The following SGCZ variants were observed in gnomAD, a reference collection of about 807,000 sequenced individuals.
SGCZ encodes zeta-sarcoglycan.
In SGCZ, 40 loss-of-function variants were observed where a neutral mutation model predicts 41.3. The observed-to-expected ratio is 0.97, with a 90% CI of 0.75 to 1.26. The LOEUF (loss-of-function observed/expected upper bound fraction) is 1.26. Ranked by LOEUF, SGCZ falls within the 50% of genes most tolerant of loss-of-function variation. The probability of loss-of-function intolerance (pLI) is 0.00; values close to 1 mark genes in which losing one functional copy is unlikely to be tolerated. For missense variants in SGCZ, 552 were observed against 369.8 expected (o/e 1.49, Z -4.04); for synonymous variants, 206 against 137.5 (o/e 1.50, Z -3.49).
chr8:14,645,478 T>TTA (rs1046258520), intron 1 of SGCZ, among the ~76,000 whole-genome samples: 88 of 106,534 alleles, frequency 8.3e-4, no homozygotes, highest in East Asian at 5.0e-3. Context: ...ATATATATAT[T>TTA]TATATGTATA....
chr8:14,258,569 C>T (rs963664761), intron 3 of SGCZ, among the ~76,000 whole-genome samples: 5 of 152,198 alleles, frequency 3.3e-5, no homozygotes, highest in East Asian at 3.9e-4. Flanking sequence ...CAAAAAAATA[C>T]TGATACTATA....
At chr8:15,030,040 C>G (rs1222035935) in intron 1 of SGCZ, among the ~76,000 whole-genome samples, 1 of 152,120 alleles carries the variant, frequency 6.6e-6, no homozygotes, top group African/African-American at 2.4e-5. Flanking sequence ...AAGATGAAAG[C>G]TGTTGTCAGA....
chr8:14,724,372 A>T (rs901250220), intron 1 of SGCZ, among the ~76,000 whole-genome samples: 2 of 151,968 alleles, frequency 1.3e-5, no homozygotes, highest in African/African-American at 2.4e-5. Context: ...TCTTTTAAGT[A>T]TAAAAATTCA....
chr8:14,583,608 AG>A (rs1183527302), intron 1 of SGCZ, among the ~76,000 whole-genome samples: 1 of 152,128 alleles, frequency 6.6e-6, no homozygotes, highest in East Asian at 1.9e-4. Flanking sequence ...GGTAGTGCCT[AG>A]GTTTTCTTCT....
At chr8:14,319,086 T>C (rs1009939039) in intron 3 of SGCZ, among the ~76,000 whole-genome samples, 1 of 151,996 alleles carries the variant, frequency 6.6e-6, no homozygotes, top group Non-Finnish European at 1.5e-5. Context: ...GAAATTATGA[T>C]AGCTGTGGGG....
At chr8:15,006,224 A>G (rs1361595167) in intron 1 of SGCZ, among the ~76,000 whole-genome samples, 1 of 152,214 alleles carries the variant, frequency 6.6e-6, no homozygotes, top group African/African-American at 2.4e-5. Context: ...CATACTGATG[A>G]TGAGTACACT....
intron 2 of SGCZ, among the ~76,000 whole-genome samples, chr8:14,488,172 G>A (rs140726583): frequency 2.3e-5 from 3 of 131,994 alleles, no homozygotes; most frequent in South Asian, 2.4e-4. Context: ...TATCTAAATC[G>A]TGACCTGGTT....
intron 1 of SGCZ, among the ~76,000 whole-genome samples, chr8:14,925,431 T>G (rs1450586184): frequency 6.6e-6 from 1 of 152,202 alleles, no homozygotes; most frequent in Non-Finnish European, 1.5e-5. Flanking sequence ...CCTTTATATT[T>G]ATGTACTAAG....
chr8:14,372,204 T>C, intron 2 of SGCZ, among the ~76,000 whole-genome samples: 1 of 152,166 alleles, frequency 6.6e-6, no homozygotes, highest in East Asian at 1.9e-4. Context: ...GTAGGTCCAA[T>C]ATTAACATTG....
intron 5 of SGCZ, among the ~76,000 whole-genome samples, chr8:14,123,001 A>G (rs942318386): frequency 6.6e-5 from 10 of 152,222 alleles, no homozygotes; most frequent in African/African-American, 9.6e-5. Context: ...TTTTTAGTCA[A>G]TTTTGACTAA....
chr8:15,173,880 A>T (rs1799920734), intron 1 of SGCZ, among the ~76,000 whole-genome samples: 1 of 151,990 alleles, frequency 6.6e-6, no homozygotes, highest in African/African-American at 2.4e-5. Context: ...GGCATGCACC[A>T]CCACACCTGG....
At chr8:14,116,580 T>C (rs1802530390) in intron 5 of SGCZ, among the ~76,000 whole-genome samples, 1 of 152,110 alleles carries the variant, frequency 6.6e-6, no homozygotes, top group Non-Finnish European at 1.5e-5. Context: ...AGAGTCCAAA[T>C]GAGAATCAGA....
intron 1 of SGCZ, among the ~76,000 whole-genome samples, chr8:15,026,064 C>T (rs573780622): frequency 4.0e-5 from 6 of 151,856 alleles, no homozygotes; most frequent in South Asian, 2.1e-4. Flanking sequence ...TCATACTCCA[C>T]GCGTTTTCTT....
intron 1 of SGCZ, among the ~76,000 whole-genome samples, chr8:14,634,724 C>G (rs904476017): frequency 2.6e-5 from 4 of 151,666 alleles, no homozygotes; most frequent in African/African-American, 9.7e-5. Context: ...ACGGAAATCA[C>G]AAAATTCCAT....
At chr8:14,792,519 T>C (rs1356541860) in intron 1 of SGCZ, among the ~76,000 whole-genome samples, 2 of 152,132 alleles carry the variant, frequency 1.3e-5, no homozygotes, top group East Asian at 3.9e-4. Context: ...AATAATCACT[T>C]GTGCCATCAT....
At chr8:14,916,133 A>T (rs1409323984) in intron 1 of SGCZ, among the ~76,000 whole-genome samples, 1 of 152,220 alleles carries the variant, frequency 6.6e-6, no homozygotes, top group African/African-American at 2.4e-5. Context: ...TGCGTAGCAG[A>T]TAAATTTTTT....
intron 3 of SGCZ, among the ~76,000 whole-genome samples, chr8:14,242,920 T>C (rs12677612): frequency 0.67 from 101,456 of 152,132 alleles, 34,215 homozygotes; most frequent in South Asian, 0.79. Context: ...AAAATTTCTT[T>C]AAGCATTTTG....
At chr8:14,632,165 T>C (rs1056411624) in intron 1 of SGCZ, among the ~76,000 whole-genome samples, 2 of 151,922 alleles carry the variant, frequency 1.3e-5, no homozygotes, top group Admixed American at 6.6e-5. Context: ...ACTACAGGCA[T>C]GCGCCACCAT....
intron 1 of SGCZ, among the ~76,000 whole-genome samples, chr8:15,228,581 T>C (rs1801846932): frequency 6.6e-6 from 1 of 152,212 alleles, no homozygotes; most frequent in Non-Finnish European, 1.5e-5. Flanking sequence ...TTTTCTAAAA[T>C]AATGTCTCTG....
Sources: gnomAD v4.1 joint callset for allele counts (sites outside exome capture counted in the v4.1 genomes callset) on GRCh38, gnomAD v4.1.1 for gene constraint, MANE v1.5 for transcripts, NCBI Gene and HGNC (gene_info 2026-07-23, HGNC 2026-07-21) for gene names.